The following USP13 variants were observed in gnomAD, a reference collection of about 807,000 sequenced individuals.
USP13 encodes ubiquitin carboxyl-terminal hydrolase 13.
Under a neutral mutation model 107.8 loss-of-function variants are expected in USP13, and 68 were observed. The ratio of observed to expected loss-of-function variants is 0.63; its 90% confidence interval spans 0.52 to 0.77. USP13 has a LOEUF of 0.77. Ranked by LOEUF, USP13 falls within the 30% of genes least tolerant of loss-of-function variation. The probability of loss-of-function intolerance (pLI) is 0.00; values close to 1 mark genes in which losing one functional copy is unlikely to be tolerated. For synonymous variants in USP13, 377 were observed against 389.5 expected, an observed-to-expected ratio of 0.97 and a Z score of 0.38; for missense variants, 945 against 1,093.3, an observed-to-expected ratio of 0.86 and a Z score of 1.91.
chr3:179,755,632 A>G (rs751234436), intron 15 of USP13, among the ~76,000 whole-genome samples: 1 of 152,246 alleles, frequency 6.6e-6, no homozygotes, highest in Admixed American at 6.5e-5. Context: ...TATGCCAAAA[A>G]TAGTTGTCTC....
intron 3 of USP13, among the ~76,000 whole-genome samples, chr3:179,699,719 A>T (rs1712444915): frequency 7.2e-6 from 1 of 138,082 alleles, no homozygotes; most frequent in African/African-American, 2.7e-5. Flanking sequence ...AAAAAAGCTT[A>T]GATTGCATTT....
At chr3:179,746,055 C>T (rs1279639275) in intron 13 of USP13, among the ~76,000 whole-genome samples, 1 of 151,520 alleles carries the variant, frequency 6.6e-6, no homozygotes, top group Non-Finnish European at 1.5e-5. Context: ...TTGCTACGTT[C>T]AGATATTCTT....
chr3:179,663,505 C>G (rs980733415), intron 1 of USP13, among the ~76,000 whole-genome samples: 1 of 152,190 alleles, frequency 6.6e-6, no homozygotes, highest in African/African-American at 2.4e-5. Flanking sequence ...GGTATATCCT[C>G]CTCTCTCCCT....
In USP13 at chr3:179,715,371, T is replaced by C. The variant is rs182985712; in HGVS notation, c.806-4569T>C. Among the ~76,000 whole-genome samples, 632 of 148,866 alleles carry C rather than the reference T, an allele frequency of 4.2e-3. 7 individuals carry two copies. Among genetic ancestry groups the C allele is most frequent in the African/African-American group, 0.015 (600 of 40,858 alleles). On this transcript the variant is annotated intron_variant, in intron 6 of 20. Coordinates refer to ENST00000263966, the MANE Select transcript of USP13 (RefSeq NM_003940.3). ...AATTTGTGTTTATTTTTCTTTCTTT[T>C]TTTTTTTTTTTGAGATGGAGTCTCA...
chr3:179,695,228 G>A (rs924484136), intron 3 of USP13, among the ~76,000 whole-genome samples: 10 of 152,150 alleles, frequency 6.6e-5, no homozygotes, highest in African/African-American at 2.2e-4. Context: ...CTCCTTCTTC[G>A]GCTTCATGAA....
chr3:179,656,186 T>G (rs1402299270), intron 1 of USP13, among the ~76,000 whole-genome samples: 5 of 152,240 alleles, frequency 3.3e-5, no homozygotes, highest in African/African-American at 1.2e-4. Flanking sequence ...TATTTCCCAC[T>G]AATTTGCCTG....
rs370094409 is a variant in USP13 at position 179,752,411 on chromosome 3, A to G, written c.1798+38A>G. The stretch of plus-strand genomic sequence containing the variant: ...TGCGTGCTTTTGCTTAAAACATCAA[A>G]TGAGCCATTTAAACAACATGGCATG... On this transcript the variant is annotated intron_variant, in intron 14 of 20. Transcript: ENST00000263966. The G allele has an allele frequency of 3.6e-5, 54 of 1,494,272 alleles. No individual in the cohort carries two copies. In the African/African-American group the frequency reaches 7.3e-4, roughly 20 times the overall value. The allele number at this position is 1,494,272 out of a possible 1,614,324, so 92.6% of individuals were successfully genotyped here.
intron 1 of USP13, among the ~76,000 whole-genome samples, chr3:179,663,312 A>G (rs145879251): frequency 2.6e-5 from 4 of 152,234 alleles, no homozygotes; most frequent in Non-Finnish European, 5.9e-5. Context: ...TGTTGTGTCA[A>G]TTTTCTTCCT....
intron 2 of USP13, among the ~76,000 whole-genome samples, chr3:179,688,064 C>T (rs950942519): frequency 1.4e-5 from 2 of 139,832 alleles, no homozygotes; most frequent in Non-Finnish European, 3.1e-5. Flanking sequence ...CTGTTTTACT[C>T]CCTGTAATCA....
At chr3:179,736,398 C>G (rs1241677391) in intron 10 of USP13, among the ~76,000 whole-genome samples, 1 of 152,032 alleles carries the variant, frequency 6.6e-6, no homozygotes, top group Non-Finnish European at 1.5e-5. Context: ...TAAGACGTCC[C>G]CTCTGAAAGC....
At chr3:179,766,327 C>T (rs189757667) in intron 19 of USP13, among the ~76,000 whole-genome samples, 3 of 152,058 alleles carry the variant, frequency 2.0e-5, no homozygotes, top group Non-Finnish European at 4.4e-5. Flanking sequence ...GCATAGGCCC[C>T]GGTGATCTGA....
intron 6 of USP13, among the ~76,000 whole-genome samples, chr3:179,714,508 C>A (rs376715257): frequency 4.6e-5 from 7 of 152,214 alleles, no homozygotes; most frequent in East Asian, 1.9e-4. Flanking sequence ...CCCAGGACGG[C>A]AGGGCCTAAG....
rs1174586400 is a variant in USP13, at chr3:179,742,217, A to G, written c.1401A>G (p.Glu467=). 6.2e-7 allele frequency: 1 copy of G among 1,614,110 alleles called. No individual in the cohort carries two copies. Among genetic ancestry groups the G allele is most frequent in the Non-Finnish European group, 8.5e-7 (1 of 1,180,052 alleles). The stretch of plus-strand genomic sequence containing the variant: ...TTCAGAGGAACCGCATCGGCTCAGA[A>G]AACCCAAGCGATGTTTTTCGTTTTT... ...NLVERNRIGS[E]NPSDVFRFLV... The change falls in exon 12 of 21, where the codon GAA becomes GAG. Residue 467 remains glutamate (E), a synonymous_variant. Transcript: ENST00000263966. The surrounding 1 kb of genome is among the most constrained non-coding windows in gnomAD (Gnocchi z 5.0).
chr3:179,757,322 G>C (rs1714843260), intron 16 of USP13, among the ~76,000 whole-genome samples: 2 of 152,160 alleles, frequency 1.3e-5, no homozygotes, highest in African/African-American at 4.8e-5. Flanking sequence ...TGTGGTTTAT[G>C]ACTGTGTGAC....
At chr3:179,671,249 T>C (rs1437202127) in intron 1 of USP13, among the ~76,000 whole-genome samples, 1 of 151,982 alleles carries the variant, frequency 6.6e-6, no homozygotes. Flanking sequence ...AAAATTAAAA[T>C]CTCAAGTTAT....
At chr3:179,697,845 A>T (rs920114149) in intron 3 of USP13, among the ~76,000 whole-genome samples, 1 of 152,214 alleles carries the variant, frequency 6.6e-6, no homozygotes, top group Admixed American at 6.5e-5. Context: ...TTTGGGAAAG[A>T]TCATGCCCCT....
intron 4 of USP13, among the ~76,000 whole-genome samples, chr3:179,703,609 C>T (rs1712610481): frequency 6.6e-6 from 1 of 152,180 alleles, no homozygotes. Flanking sequence ...AAAAAAAGCT[C>T]TGTTTTGTAG....
intron 2 of USP13, among the ~76,000 whole-genome samples, chr3:179,687,502 A>T (rs1240105548): frequency 1.3e-5 from 2 of 151,442 alleles, no homozygotes; most frequent in East Asian, 1.9e-4. Flanking sequence ...TCTACTAAAA[A>T]TACAAAATCA....
intron 3 of USP13, among the ~76,000 whole-genome samples, chr3:179,700,483 A>G (rs1345741290): frequency 3.9e-5 from 6 of 152,212 alleles, no homozygotes; most frequent in Non-Finnish European, 8.8e-5. Flanking sequence ...TAAGGCTTAG[A>G]GAGTTTATGA....
Sources: allele counts gnomAD v4.1 joint callset (sites outside exome capture counted in the v4.1 genomes callset), GRCh38; gene constraint gnomAD v4.1.1; non-coding constraint Gnocchi (gnomAD v3.1); transcripts MANE v1.5; gene names NCBI Gene and HGNC (gene_info 2026-07-23, HGNC 2026-07-21).